The following KAZN variants were observed in gnomAD, a reference collection of about 807,000 sequenced individuals.
The protein encoded by KAZN is kazrin.
KAZN carries 40 observed loss-of-function variants against 87.4 expected under a neutral mutation model. The observed-to-expected ratio is 0.46, with a 90% CI of 0.36 to 0.60. The LOEUF (loss-of-function observed/expected upper bound fraction) is 0.60, where lower values mean the gene tolerates loss of function less well. Ranked by LOEUF, KAZN falls within the 20% of genes least tolerant of loss-of-function variation. KAZN has a pLI of 0.00. For synonymous variants in KAZN, 466 were observed against 458.3 expected (o/e 1.02, Z -0.22); for missense variants, 898 against 1,073.9 (o/e 0.84, Z 2.29).
chr1:14,439,440 A>G (rs1666578316), intron 2 of KAZN, among the ~76,000 whole-genome samples: 1 of 152,082 alleles, frequency 6.6e-6, no homozygotes, highest in Non-Finnish European at 1.5e-5. Flanking sequence ...CCCCTCCTCA[A>G]TATAGAAGCC....
At chr1:13,989,912 A>G (rs545752271) in intron 1 of KAZN, among the ~76,000 whole-genome samples, 2 of 152,328 alleles carry the variant, frequency 1.3e-5, no homozygotes, top group African/African-American at 4.8e-5. Flanking sequence ...GCTAGATGCC[A>G]TGGCCCTAGG....
At chr1:15,079,278 G>A (rs942504020) in intron 8 of KAZN, among the ~76,000 whole-genome samples, 1 of 152,152 alleles carries the variant, frequency 6.6e-6, no homozygotes, top group Non-Finnish European at 1.5e-5. Context: ...GAGGCCTAAG[G>A]AGGAACTGCT....
At chr1:14,924,561 G>A (rs1472332729) in intron 1 of KAZN, 14 of 1,012,518 alleles carry the variant, frequency 1.4e-5, no homozygotes, top group East Asian at 9.9e-5. Flanking sequence ...GATGGCGACT[G>A]CAGCCAGCCC....
In KAZN at chr1:14,486,752, G is replaced by T. The variant is rs74979889; in HGVS notation, c.250-112231G>T. ...CCTTCAGGCTTGGGAGGAGAATTCC[G>T]TTTCTTGTCCTCCATGGTGAATTTC... On this transcript the variant is annotated intron_variant, in intron 2 of 16. Transcript: ENST00000636203. Among the ~76,000 whole-genome samples, 36 of 152,286 alleles carry T rather than the reference G, an allele frequency of 2.4e-4. 1 individual carries two copies. The highest frequency in any genetic ancestry group is 8.4e-4 in the African/African-American group (35 of 41,552).
intron 1 of KAZN, among the ~76,000 whole-genome samples, chr1:14,024,062 T>A (rs962338200): frequency 3.9e-5 from 6 of 152,180 alleles, no homozygotes; most frequent in African/African-American, 1.4e-4. Context: ...TGCTTAGGAT[T>A]ATCTTGTTAG....
intron 2 of KAZN, among the ~76,000 whole-genome samples, chr1:14,471,719 G>A (rs1364877069): frequency 6.6e-6 from 1 of 152,174 alleles, no homozygotes; most frequent in Non-Finnish European, 1.5e-5. Context: ...CTCCCACTTA[G>A]TCTGTATCTT....
intron 6 of KAZN, chr1:15,060,821 A>G (rs115514516): frequency 0.013 from 2,065 of 156,080 alleles, 25 homozygotes; most frequent in Non-Finnish European, 0.02. Context: ...CAAAGGCCCT[A>G]GCTGCCTAGC....
intron 13 of KAZN, chr1:15,112,205 A>T (rs1429339752): frequency 1.8e-6 from 1 of 570,510 alleles, no homozygotes; most frequent in Non-Finnish European, 3.1e-6. Context: ...CTTTCCCTGT[A>T]ATGCTGGGCT....
intron 1 of KAZN, among the ~76,000 whole-genome samples, chr1:14,945,728 G>A (rs1286246069): frequency 1.3e-5 from 2 of 152,266 alleles, no homozygotes; most frequent in East Asian, 1.9e-4. Context: ...TGCTCAGGCA[G>A]GCTGGAGAGT....
chr1:14,888,231 C>T (rs1654313993), intron 1 of KAZN, among the ~76,000 whole-genome samples: 1 of 152,198 alleles, frequency 6.6e-6, no homozygotes, highest in Non-Finnish European at 1.5e-5. Context: ...CTGCCCAGCC[C>T]GGCCTCCTTC....
rs899344125 is a variant in KAZN, at chr1:14,856,067, A to G, written c.227-104617A>G. 1.3e-5 allele frequency among the ~76,000 whole-genome samples: 2 copies of G among 152,198 alleles called. No homozygotes were observed. The highest frequency in any genetic ancestry group is 4.8e-5 in the African/African-American group (2 of 41,456). On this transcript the variant is annotated intron_variant, in intron 1 of 14. Coordinates refer to ENST00000376030, the MANE Select transcript of KAZN (RefSeq NM_201628.3). The surrounding 1 kb of genome is among the most constrained non-coding windows in gnomAD (Gnocchi z 5.2). The stretch of plus-strand genomic sequence containing the variant: ...TGACATTGGGATATGGCAGGTGAGT[A>G]ATAACGTGATTTACATCCTTGGGGG...
At chr1:14,013,236 G>T (rs1640403389) in intron 1 of KAZN, among the ~76,000 whole-genome samples, 1 of 152,118 alleles carries the variant, frequency 6.6e-6, no homozygotes, top group African/African-American at 2.4e-5. Flanking sequence ...TCTTTCCAAA[G>T]AAACCAACTA....
intron 2 of KAZN, among the ~76,000 whole-genome samples, chr1:14,328,812 T>C (rs897442407): frequency 6.7e-6 from 1 of 150,140 alleles, no homozygotes; most frequent in African/African-American, 2.5e-5. Context: ...ATCAAAGGAT[T>C]GTGCCTTTAT....
rs998498967 is a variant in KAZN, at chr1:13,930,377, C to T, written c.91+36621C>T. Among the ~76,000 whole-genome samples the T allele has an allele frequency of 9.2e-5, 14 of 152,254 alleles. No homozygotes were observed. In the East Asian group the frequency reaches 1.4e-3, roughly 15 times the overall value. ...CACCAGCAGAGGGCAGCCTACCTGTCGACCCACAAATGAGAAATAAGTGCT... is the reference window on the plus strand; with the variant it reads ...CACCAGCAGAGGGCAGCCTACCTGTTGACCCACAAATGAGAAATAAGTGCT... On this transcript the variant is annotated intron_variant, in intron 1 of 16. Transcript: ENST00000636203.
At chr1:13,900,440 G>C (rs1302902371) in intron 1 of KAZN, among the ~76,000 whole-genome samples, 2 of 152,154 alleles carry the variant, frequency 1.3e-5, no homozygotes, top group Non-Finnish European at 2.9e-5. Flanking sequence ...TACTGTCGAT[G>C]ATGCCCCTTG....
intron 1 of KAZN, among the ~76,000 whole-genome samples, chr1:14,761,831 A>C (rs1315717211): frequency 6.6e-6 from 1 of 151,710 alleles, no homozygotes; most frequent in African/African-American, 2.4e-5. Context: ...CGTGGCACTG[A>C]GATTACCCAG....
At chr1:14,348,200 G>A (rs1270967536) in intron 2 of KAZN, among the ~76,000 whole-genome samples, 2 of 151,840 alleles carry the variant, frequency 1.3e-5, no homozygotes, top group Admixed American at 6.6e-5. Flanking sequence ...ACAGGCACAC[G>A]CCACCTTGCC....
rs143281844 is a variant in KAZN, at chr1:13,935,862, ATGTGTGTGTG to A, written c.91+42136_91+42145del. Among the ~76,000 whole-genome samples the A allele has an allele frequency of 1.6e-3, 198 of 124,224 alleles. 2 individuals carry two copies. Among genetic ancestry groups the A allele is most frequent in the African/African-American group, 5.1e-3 (173 of 34,174 alleles). The allele number at this position is 124,224 out of a possible 152,430, so 81.5% of individuals were successfully genotyped here. ...TGTGGATAATTACTTTTACATCCTA[ATGTGTGTGTG>A]TGTGTGTGTGTGTGTGTGTGTGTGT... On this transcript the variant is annotated intron_variant, in intron 1 of 16. Coordinates refer to the KAZN transcript ENST00000636203.
At chr1:13,929,059 T>C (rs2100927951) in intron 1 of KAZN, among the ~76,000 whole-genome samples, 1 of 150,034 alleles carries the variant, frequency 6.7e-6, no homozygotes, top group South Asian at 2.1e-4. Context: ...TTTTTTTTTT[T>C]TTTTTTTTTT....
Sources: gnomAD v4.1 joint callset for allele counts (sites outside exome capture counted in the v4.1 genomes callset) on GRCh38, gnomAD v4.1.1 for gene constraint, Gnocchi (gnomAD v3.1) non-coding constraint, MANE v1.5 for transcripts, NCBI Gene and HGNC (gene_info 2026-07-23, HGNC 2026-07-21) for gene names.